NDRG3: variants seen among roughly 807,000 people sequenced by gnomAD.
NDRG3 encodes the protein NDRG family member 3, also known as protein NDRG3.
In NDRG3, 23 loss-of-function variants were observed where a neutral mutation model predicts 57.2. The ratio of observed to expected loss-of-function variants is 0.40; its 90% CI spans 0.29 to 0.57. The LOEUF is 0.57. NDRG3 is among the 20% of genes least tolerant of loss of function. NDRG3 has a pLI of 0.42. For missense variants in NDRG3, 384 were observed against 457.3 expected (o/e 0.84, Z 1.46); for synonymous variants, 132 against 162.6 (o/e 0.81, Z 1.43).
chr20:36,715,000 GTGTGTGTATA>G (rs869274784), intron 2 of NDRG3, among the ~76,000 whole-genome samples: 1,642 of 55,772 alleles, frequency 0.029, 17 homozygotes, highest in Non-Finnish European at 0.041. Context: ...GTGTGTGTGT[GTGTGTGTATA>G]TATATATATA....
chr20:36,692,006 T>C (rs749756906), intron 3 of NDRG3, among the ~76,000 whole-genome samples: 4 of 152,094 alleles, frequency 2.6e-5, no homozygotes, highest in Non-Finnish European at 4.4e-5. Context: ...CCTGTAATAA[T>C]AGCTTGTGAT....
At chr20:36,701,229 T>C (rs1983202490) in intron 3 of NDRG3, among the ~76,000 whole-genome samples, 1 of 152,144 alleles carries the variant, frequency 6.6e-6, no homozygotes, top group Non-Finnish European at 1.5e-5. Context: ...ATGAAAGCTG[T>C]AGTCTTAAAC....
rs11466997 is a variant in NDRG3, at chr20:36,746,079, AGCG to A, written c.-86_-84del. On this transcript the variant is annotated 5_prime_UTR_variant, in exon 1 of 16. Coordinates refer to ENST00000349004, the MANE Select transcript of NDRG3 (RefSeq NM_032013.4). ...GGGCACCCGCCGTCAGTGCAGCAGC[AGCG>A]GCGGCGGCGGCGGCGGCGGCGGCGG... 23,874 of 250,476 alleles carry A rather than the reference AGCG, an allele frequency of 0.095. 1,255 individuals are homozygous for A. The highest frequency in any genetic ancestry group is 0.13 in the South Asian group (878 of 6,764). 15.5% of individuals were successfully genotyped at this position (250,476 alleles called of 1,614,324 possible).
intron 8 of NDRG3, among the ~76,000 whole-genome samples, chr20:36,679,027 C>G (rs529804149): frequency 6.6e-6 from 1 of 152,032 alleles, no homozygotes; most frequent in South Asian, 2.1e-4. Context: ...CTTGGCTCAC[C>G]GCAACCTCCA....
rs1183600713 is a variant in NDRG3 at position 36,688,834 on chromosome 20, G to C, written c.94-50C>G. On this transcript the variant is annotated intron_variant, in intron 3 of 15. Transcript: ENST00000349004. ...CAGAAAAAGCAGAATGAACTTCCCA[G>C]GTTGCCAAAGTTTCACAATACCTGC... 4 of 1,413,410 alleles carry C rather than the reference G, an allele frequency of 2.8e-6. No individual in the cohort carries two copies. The South Asian group carries it at 4.6e-5, about 16-fold the overall frequency. 87.6% of individuals were successfully genotyped at this position (1,413,410 alleles called of 1,614,324 possible). A position where few individuals can be genotyped will look rare whatever the true frequency, so the allele number is the denominator to read the frequency against.
rs1978312546 is a variant in NDRG3 at position 36,651,860 on chromosome 20, AAC to A, written c.*1658_*1659del. ...GCATTCCTTATCTCAGCAGAAAGCA[AAC>A]AGTCTGTCTGAAAAGCCCCTTCCCA... On this transcript the variant is annotated 3_prime_UTR_variant, in exon 16 of 16. Coordinates refer to ENST00000349004, the MANE Select transcript of NDRG3 (RefSeq NM_032013.4). 6.6e-6 allele frequency: 1 copy of A among 152,228 alleles called. No homozygotes were observed. The highest frequency in any genetic ancestry group is 2.1e-4 in the South Asian group (1 of 4,832). 9.4% of individuals were successfully genotyped at this position (152,228 alleles called of 1,614,324 possible).
At chr20:36,697,963 C>CTTTTT (rs1026025529) in intron 3 of NDRG3, among the ~76,000 whole-genome samples, 18 of 123,056 alleles carry the variant, frequency 1.5e-4, no homozygotes, top group Non-Finnish European at 2.3e-4. Context: ...TTTCTTTTTT[C>CTTTTT]TTTTTTTTTT....
chr20:36,665,072 C>T lies in NDRG3; in HGVS notation c.784G>A (p.Asp262Asn). The T allele has an allele frequency of 1.9e-6, 3 of 1,614,152 alleles. No individual in the cohort carries two copies. In the South Asian group the frequency reaches 3.3e-5, roughly 18 times the overall value. The change falls in exon 12 of 16, where the codon GAC (aspartate) becomes AAC (asparagine). Residue 262 changes from aspartate (D) to asparagine (N), a missense_variant. By Grantham distance (23) the Asp-to-Asn change is conservative. Transcript: ENST00000349004. ...ACAGCCTCAACTGCAGGCGAATTGTCCCCTACCACCAGTAAAGTAGAACAC... is the reference window on the plus strand; with the variant it reads ...ACAGCCTCAACTGCAGGCGAATTGTTCCCTACCACCAGTAAAGTAGAACAC... Reference protein sequence around the residue: ...LKCSTLLVVGDNSPAVEAVVE... With the variant: ...LKCSTLLVVGNNSPAVEAVVE...
intron 4 of NDRG3, 38 bp from the exon 5 acceptor site, chr20:36,687,650 C>T (rs1409429899): frequency 6.3e-7 from 1 of 1,591,616 alleles, no homozygotes; most frequent in African/African-American, 1.3e-5. Context: ...ACAGGCTCTC[C>T]ATATCGCCCC....
chr20:36,656,649 C>T, intron 13 of NDRG3, 117 bp from the exon 14 acceptor site: 1 of 1,112,020 alleles, frequency 9.0e-7, no homozygotes, highest in Non-Finnish European at 1.3e-6. Flanking sequence ...TGTTTAACTG[C>T]AAGTTTGCAT....
At chr20:36,675,142 C>T (rs542304371) in intron 8 of NDRG3, among the ~76,000 whole-genome samples, 60 of 150,492 alleles carry the variant, frequency 4.0e-4, no homozygotes, top group African/African-American at 1.3e-3. Flanking sequence ...TCACTACAAC[C>T]TCCACCTCCC....
At chr20:36,688,412 T>C (rs1981973285) in intron 4 of NDRG3, among the ~76,000 whole-genome samples, 1 of 150,846 alleles carries the variant, frequency 6.6e-6, no homozygotes, top group Non-Finnish European at 1.5e-5. Flanking sequence ...AAAACATGGA[T>C]TTCAGTTCTA....
chr20:36,668,854 T>C (rs992933920), intron 9 of NDRG3, among the ~76,000 whole-genome samples: 1 of 151,666 alleles, frequency 6.6e-6, no homozygotes, highest in African/African-American at 2.4e-5. Flanking sequence ...TATGTAACTA[T>C]ATATATAGTG....
chr20:36,708,760 G>A (rs1279073731), intron 2 of NDRG3, among the ~76,000 whole-genome samples: 2 of 152,100 alleles, frequency 1.3e-5, no homozygotes, highest in South Asian at 2.1e-4. Flanking sequence ...CAAGCCGGGC[G>A]CGGTGGCTCA....
chr20:36,676,981 G>T (rs1018306190), intron 8 of NDRG3, among the ~76,000 whole-genome samples: 1 of 152,230 alleles, frequency 6.6e-6, no homozygotes, highest in Admixed American at 6.5e-5. Context: ...AACTGCAGCT[G>T]TGGATCTCAG....
chr20:36,659,431 C>T (rs1188093566), intron 13 of NDRG3, among the ~76,000 whole-genome samples: 1 of 151,676 alleles, frequency 6.6e-6, no homozygotes, highest in Non-Finnish European at 1.5e-5. Context: ...CCCAGCCCGT[C>T]TCTAATTTTA....
chr20:36,725,642 C>T (rs1984888006), intron 1 of NDRG3, among the ~76,000 whole-genome samples: 1 of 150,246 alleles, frequency 6.7e-6, no homozygotes, highest in African/African-American at 2.4e-5. Flanking sequence ...ATACAGAAAT[C>T]ACAGAATAAT....
At chr20:36,714,653 G>A (rs1301010785) in intron 2 of NDRG3, among the ~76,000 whole-genome samples, 24 of 149,878 alleles carry the variant, frequency 1.6e-4, no homozygotes, top group African/African-American at 5.6e-4. Flanking sequence ...TTGCTCTGTC[G>A]CCCAGGCTGG....
intron 15 of NDRG3, 150 bp downstream of exon 15, chr20:36,656,210 A>G: frequency 3.1e-6 from 2 of 642,010 alleles, no homozygotes; most frequent in Non-Finnish European, 5.4e-6. Flanking sequence ...AAATACGGAC[A>G]AATGAATGTT....
Sources: allele counts gnomAD v4.1 joint callset (sites outside exome capture counted in the v4.1 genomes callset), GRCh38; gene constraint gnomAD v4.1.1; transcripts MANE v1.5; gene names NCBI Gene and HGNC (gene_info 2026-07-23, HGNC 2026-07-21).